Variants in MGST1 observed in about 807,000 individuals in gnomAD.
MGST1 encodes glutathione S-transferase 12.
In MGST1, 5 loss-of-function variants were observed where a neutral mutation model predicts 8.9. The ratio of observed to expected loss-of-function variants is 0.56; its 90% CI spans 0.29 to 1.19. The LOEUF (loss-of-function observed/expected upper bound fraction) is 1.19. Among genes scored for constraint, MGST1 ranks in the 50% most tolerant of loss-of-function variants. The pLI, the probability that MGST1 is intolerant of heterozygous loss-of-function variation, is 0.08. For synonymous variants in MGST1, 54 were observed against 67.8 expected, an observed-to-expected ratio of 0.80 and a Z score of 1.00; for missense variants, 182 against 187.4, an observed-to-expected ratio of 0.97 and a Z score of 0.17.
intron 1 of MGST1, among the ~76,000 whole-genome samples, chr12:16,436,623 A>G (rs1004545077): frequency 1.3e-5 from 2 of 152,010 alleles, no homozygotes; most frequent in African/African-American, 2.4e-5. Flanking sequence ...AATGATAACA[A>G]TTATTATTAA....
chr12:16,355,144 T>A (rs962108607), intron 2 of MGST1, among the ~76,000 whole-genome samples: 1 of 151,974 alleles, frequency 6.6e-6, no homozygotes, highest in Non-Finnish European at 1.5e-5. Flanking sequence ...CTGAGTTTTG[T>A]CCTCTAGAGC....
chr12:16,352,621 C>T (rs3759209), intron 1 of MGST1, among the ~76,000 whole-genome samples: 1,533 of 152,320 alleles, frequency 0.01, 20 homozygotes, highest in East Asian at 0.049. Context: ...CCTGTTTTGA[C>T]TTCAGTATCA....
rs537061688 is a variant in MGST1, at chr12:16,544,723, G to A, written n.483-44805G>A. Among the ~76,000 whole-genome samples the A allele has an allele frequency of 2.0e-5, 3 of 152,016 alleles. No individual in the cohort carries two copies. The highest frequency in any genetic ancestry group is 2.1e-4 in the South Asian group (1 of 4,816). The stretch of plus-strand genomic sequence containing the variant: ...TAGCTTATAATGAGATACTAAAATC[G>A]CATACATACTATTCTAGTCAATTTG... On this transcript the variant is annotated intron_variant and non_coding_transcript_variant, in intron 4 of 4. Transcript: ENST00000538857. The surrounding 1 kb of genome is among the most constrained non-coding windows in gnomAD (Gnocchi z 4.8).
At chr12:16,439,142 T>C (rs571310786), downstream of MGST1, among the ~76,000 whole-genome samples, 17 of 150,626 alleles carry the variant, frequency 1.1e-4, no homozygotes, top group East Asian at 2.3e-3. Context: ...TAGAAAACTA[T>C]CTATATTCTG....
At chr12:16,431,714 A>G (rs1940941152) in intron 1 of MGST1, among the ~76,000 whole-genome samples, 1 of 152,164 alleles carries the variant, frequency 6.6e-6, no homozygotes, top group Non-Finnish European at 1.5e-5. Context: ...ATATTGTGAG[A>G]ATTATAAAAG....
chr12:16,472,167 T>C (rs1327685753), intron 4 of MGST1, among the ~76,000 whole-genome samples: 1 of 152,200 alleles, frequency 6.6e-6, no homozygotes, highest in Non-Finnish European at 1.5e-5. Context: ...CAAGGAATTA[T>C]AAGTGCATAA....
intron 1 of MGST1, among the ~76,000 whole-genome samples, chr12:16,404,217 G>A (rs1185092336): frequency 6.6e-6 from 1 of 152,030 alleles, no homozygotes; most frequent in East Asian, 1.9e-4. Context: ...AATTATTTCA[G>A]CTTTATAGTC....
In MGST1 at chr12:16,582,909, T is replaced by C. The variant is rs1253988590; in HGVS notation, n.483-6619T>C. On this transcript the variant is annotated intron_variant and non_coding_transcript_variant, in intron 4 of 4. Coordinates refer to the MGST1 transcript ENST00000538857. This position sits in a 1 kb window ranked among gnomAD's most constrained non-coding sequence, Gnocchi z 4.1. ...CTAAAATAAAAAAATTAGCCGGGAG[T>C]GGTGGCATGCACCTGTAATCCCAGC... Among the ~76,000 whole-genome samples, 1 of 151,588 alleles carries C rather than the reference T, an allele frequency of 6.6e-6. No homozygotes were observed. The highest frequency in any genetic ancestry group is 2.4e-5 in the African/African-American group (1 of 41,234).
intron 4 of MGST1, among the ~76,000 whole-genome samples, chr12:16,572,056 T>A (rs1016670221): frequency 6.6e-6 from 1 of 151,942 alleles, no homozygotes; most frequent in African/African-American, 2.4e-5. Context: ...CTTTTTGGAA[T>A]AAGAAATTAA....
chr12:16,456,349 AATC>A (rs1475712828), intron 4 of MGST1, among the ~76,000 whole-genome samples: 1 of 151,918 alleles, frequency 6.6e-6, no homozygotes, highest in African/African-American at 2.4e-5. Context: ...TTATAATATT[AATC>A]ATTAGTTGTC....
intron 1 of MGST1, among the ~76,000 whole-genome samples, chr12:16,394,741 T>C (rs1461357743): frequency 6.6e-6 from 1 of 151,812 alleles, no homozygotes; most frequent in Non-Finnish European, 1.5e-5. Flanking sequence ...GGACTATAGG[T>C]GCCTGCCACC....
chr12:16,484,156 A>G (rs1165584648), intron 4 of MGST1, among the ~76,000 whole-genome samples: 1 of 152,176 alleles, frequency 6.6e-6, no homozygotes, highest in Non-Finnish European at 1.5e-5. Flanking sequence ...TGCAATGATC[A>G]TGAGCACTCT....
intron 1 of MGST1, among the ~76,000 whole-genome samples, chr12:16,415,604 C>G (rs141132248): frequency 6.6e-6 from 1 of 152,238 alleles, no homozygotes; most frequent in African/African-American, 2.4e-5. Flanking sequence ...ATAACATTTT[C>G]TTTTCTCTAG....
At chr12:16,387,703 T>G (rs1006235717) in intron 1 of MGST1, among the ~76,000 whole-genome samples, 1 of 152,014 alleles carries the variant, frequency 6.6e-6, no homozygotes, top group African/African-American at 2.4e-5. Context: ...ATTTTTTGTA[T>G]TTTTAGTAGA....
chr12:16,588,852 A>C (rs1943404097), intron 4 of MGST1, among the ~76,000 whole-genome samples: 1 of 151,966 alleles, frequency 6.6e-6, no homozygotes, highest in South Asian at 2.1e-4. Context: ...TTTCTCCCTT[A>C]TCTTATCTTC....
intron 1 of MGST1, among the ~76,000 whole-genome samples, chr12:16,395,788 T>TAC (rs1352434655): frequency 2.5e-5 from 3 of 121,612 alleles, no homozygotes; most frequent in East Asian, 5.9e-4. Flanking sequence ...ATCATATATA[T>TAC]ATATATATAT....
intron 4 of MGST1, among the ~76,000 whole-genome samples, chr12:16,570,909 A>G (rs1209417289): frequency 1.3e-5 from 2 of 152,150 alleles, no homozygotes; most frequent in Non-Finnish European, 2.9e-5. Context: ...ACTTACTTCA[A>G]GAAAAAGTGC....
chr12:16,547,579 C>T lies in MGST1; in HGVS notation n.483-41949C>T, dbSNP rs564757937. Among the ~76,000 whole-genome samples, 2 of 152,144 alleles carry T rather than the reference C, an allele frequency of 1.3e-5. No individual in the cohort carries two copies. Among genetic ancestry groups the T allele is most frequent in the African/African-American group, 4.8e-5 (2 of 41,530 alleles). ...TGATCTAGGCCAACCCTAAGTCTGC[C>T]CAACAGGAGGCTGAATGCTCAGGGA... On this transcript the variant is annotated intron_variant and non_coding_transcript_variant, in intron 4 of 4. Transcript: ENST00000538857. The surrounding 1 kb of genome is among the most constrained non-coding windows in gnomAD (Gnocchi z 4.6).
intron 4 of MGST1, among the ~76,000 whole-genome samples, chr12:16,563,377 A>AT (rs1191864111): frequency 6.6e-6 from 1 of 152,106 alleles, no homozygotes; most frequent in Non-Finnish European, 1.5e-5. Flanking sequence ...ATAAAATGGG[A>AT]TTTTCAAATG....
Sources: allele counts gnomAD v4.1 joint callset (sites outside exome capture counted in the v4.1 genomes callset), GRCh38; gene constraint gnomAD v4.1.1; non-coding constraint Gnocchi (gnomAD v3.1); transcripts MANE v1.5; gene names NCBI Gene and HGNC (gene_info 2026-07-23, HGNC 2026-07-21).